Variants in BMPR2 observed in about 807,000 individuals in gnomAD.
BMPR2 encodes the protein bone morphogenetic protein receptor type 2, also known as bone morphogenetic protein receptor type-2.
A neutral mutation model predicts 100.8 loss-of-function variants in BMPR2; 29 were observed. The observed-to-expected ratio is 0.29, with a 90% confidence interval of 0.21 to 0.39. The LOEUF (loss-of-function observed/expected upper bound fraction) is 0.39. BMPR2 is among the 10% of genes least tolerant of loss of function. BMPR2 has a pLI of 1.00. For synonymous variants in BMPR2, 382 were observed against 442.3 expected (o/e 0.86, Z 1.71); for missense variants, 1,011 against 1,274.5 (o/e 0.79, Z 3.15).
chr2:202,489,059 C>T lies in BMPR2; in HGVS notation c.418+21370C>T, dbSNP rs183435232. On this transcript the variant is annotated intron_variant, in intron 3 of 12. Transcript: ENST00000374580. Reference sequence around the variant, plus strand: ...TCTTGTCGCCCAGGCTGGAATGCAACGGCACAATCTCAGCTCACTGCAACC... The same window carrying T: ...TCTTGTCGCCCAGGCTGGAATGCAATGGCACAATCTCAGCTCACTGCAACC... Among the ~76,000 whole-genome samples, 1,258 of 149,246 alleles carry T rather than the reference C, an allele frequency of 8.4e-3. 10 individuals are homozygous for T. Among genetic ancestry groups the T allele is most frequent in the Non-Finnish European group, 0.011 (743 of 67,578 alleles).
chr2:202,416,615 G>A (rs1294624569), intron 1 of BMPR2, among the ~76,000 whole-genome samples: 4 of 150,928 alleles, frequency 2.7e-5, no homozygotes, highest in Non-Finnish European at 3.0e-5. Flanking sequence ...TAGTAGAGAC[G>A]GGGTTTCACC....
intron 1 of BMPR2, among the ~76,000 whole-genome samples, chr2:202,431,392 G>C (rs1453060964): frequency 1.3e-5 from 2 of 150,584 alleles, no homozygotes; most frequent in Non-Finnish European, 2.9e-5. Flanking sequence ...TTTTCAGTGA[G>C]CCTGGTCAAT....
intron 1 of BMPR2, among the ~76,000 whole-genome samples, chr2:202,402,778 T>A (rs980934708): frequency 6.6e-6 from 1 of 151,492 alleles, no homozygotes; most frequent in African/African-American, 2.4e-5. Flanking sequence ...GCTATTCTTA[T>A]GCCTCAGCCT....
chr2:202,471,509 A>T (rs1692437143), intron 3 of BMPR2, among the ~76,000 whole-genome samples: 1 of 152,236 alleles, frequency 6.6e-6, no homozygotes, highest in Non-Finnish European at 1.5e-5. Context: ...TACCTAGAGA[A>T]GGACACATAA....
intron 12 of BMPR2, among the ~76,000 whole-genome samples, chr2:202,556,946 G>T (rs928927452): frequency 6.6e-6 from 1 of 151,918 alleles, no homozygotes; most frequent in Non-Finnish European, 1.5e-5. Context: ...AGCCAGGCGT[G>T]GTGGCGTGCA....
Position 202,520,161 on chromosome 2 carries a change from T to C in BMPR2, c.927T>C (p.Thr309=). Residue 309 remains threonine, a synonymous_variant, in exon 7 of 13, where the codon ACT becomes ACC. Coordinates refer to ENST00000374580, the MANE Select transcript of BMPR2 (RefSeq NM_001204.7). ...CTTGCCGTCTTGCTCATTCTGTTAC[T>C]AGAGGACTGGCTTATCTTCACACAG... The part of the protein sequence containing the change: ...VSSCRLAHSV[T]RGLAYLHTEL... 6.2e-7 allele frequency: 1 copy of C among 1,613,876 alleles called. No individual in the cohort carries two copies. The highest frequency in any genetic ancestry group is 8.5e-7 in the Non-Finnish European group (1 of 1,179,866).
rs756999318 is a variant in BMPR2 at position 202,459,954 on chromosome 2, AATAG to A, written c.77-4850_77-4847del. ...ACCTCGTTAAAAAGTGGGCAAAGGA[AATAG>A]ATAGTTTTCAAAAGAAGACATGCAT... On this transcript the variant is annotated intron_variant, in intron 1 of 12. Coordinates refer to ENST00000374580, the MANE Select transcript of BMPR2 (RefSeq NM_001204.7). Among the ~76,000 whole-genome samples the A allele has an allele frequency of 1.4e-4, 22 of 152,188 alleles. 1 individual carries two copies. Among genetic ancestry groups the A allele is most frequent in the African/African-American group, 3.1e-4 (13 of 41,452 alleles).
At position 202,559,787 on chromosome 2, in the gene BMPR2, C is replaced by G. The variant is rs1416791261; in HGVS notation, c.2958C>G (p.Pro986=). The G allele has an allele frequency of 2.5e-6, 4 of 1,614,004 alleles. No individual in the cohort carries two copies. Among genetic ancestry groups the G allele is most frequent in the Non-Finnish European group, 3.4e-6 (4 of 1,180,042 alleles). Residue 986 remains proline (P), a synonymous_variant, in exon 13 of 13, where the codon CCC becomes CCG. Coordinates refer to ENST00000374580, the MANE Select transcript of BMPR2 (RefSeq NM_001204.7). ...KTPYSLKRWR[P]STWVISTESL... Reference sequence around the variant, plus strand: ...CCTATTCTCTTAAGCGGTGGCGCCCCTCCACCTGGGTCATCTCCACTGAAT... The same window carrying G: ...CCTATTCTCTTAAGCGGTGGCGCCCGTCCACCTGGGTCATCTCCACTGAAT...
intron 1 of BMPR2, among the ~76,000 whole-genome samples, chr2:202,429,691 C>T (rs984766258): frequency 6.6e-6 from 1 of 152,184 alleles, no homozygotes; most frequent in African/African-American, 2.4e-5. Context: ...AATTGACTCA[C>T]AGTTCCACAT....
At position 202,556,225 on chromosome 2, in the gene BMPR2, G is replaced by C. The variant is rs1688568853; in HGVS notation, c.2560G>C (p.Glu854Gln). 1 of 1,612,852 alleles carries C rather than the reference G, an allele frequency of 6.2e-7. No homozygotes were observed. The highest frequency in any genetic ancestry group is 1.3e-5 in the African/African-American group (1 of 74,898). ...QEMLQNQFIG[E>Q]DTRLNINSSP... ...AATGTTGCAGAATCAGTTTATTGGT[G>C]AGGACACCCGGCTGAATATTAATTC... is the stretch of plus-strand genomic sequence containing the variant. Residue 854 changes from glutamate (E) to glutamine (Q), a missense_variant, in exon 12 of 13, where the codon GAG becomes CAG. By Grantham distance (29) the Glu-to-Gln change is conservative. Around this residue, in one of 6 missense-constraint regions of BMPR2, gnomAD observed 508 missense variants for 552.0 expected, o/e 0.92. Coordinates refer to ENST00000374580, the MANE Select transcript of BMPR2 (RefSeq NM_001204.7).
intron 1 of BMPR2, among the ~76,000 whole-genome samples, chr2:202,460,200 T>G (rs185628334): frequency 1.3e-3 from 194 of 152,302 alleles, no homozygotes; most frequent in African/African-American, 4.5e-3. Flanking sequence ...CACATGCACG[T>G]GTATGTTTGT....
In BMPR2 at chr2:202,559,995, A is replaced by G. The variant is rs1688652218; in HGVS notation, c.*49A>G. The G allele has an allele frequency of 1.2e-6, 2 of 1,609,028 alleles. No individual in the cohort carries two copies. The highest frequency in any genetic ancestry group is 2.2e-5 in the East Asian group (1 of 44,878). The stretch of plus-strand genomic sequence containing the variant: ...AAATTATTTTTTGCATCATTTAAAC[A>G]TGCAGAAGATGTTTAAAAATAAAAA... On this transcript the variant is annotated 3_prime_UTR_variant, in exon 13 of 13. Transcript: ENST00000374580.
chr2:202,536,984 A>G (rs1383412669), intron 9 of BMPR2, among the ~76,000 whole-genome samples: 1 of 152,050 alleles, frequency 6.6e-6, no homozygotes, highest in East Asian at 1.9e-4. Context: ...TGCAGCACTG[A>G]ACTCTTGGGC....
intron 6 of BMPR2, among the ~76,000 whole-genome samples, chr2:202,519,535 C>T (rs1024234398): frequency 2.6e-5 from 4 of 152,122 alleles, no homozygotes; most frequent in East Asian, 1.9e-4. Flanking sequence ...CTGTTTGTTT[C>T]GCTGTCTCCT....
chr2:202,510,978 T>C (rs12693970), intron 3 of BMPR2, among the ~76,000 whole-genome samples: 75,612 of 149,742 alleles, frequency 0.5, 19,798 homozygotes, highest in African/African-American at 0.62. Context: ...CGCACCTGGC[T>C]TTAGTTTTTT....
chr2:202,435,193 C>G lies in BMPR2; in HGVS notation c.77-29616C>G, dbSNP rs183707990. ...TGGCCAAGATGGTGAAACCCCGTCTCTACTGAAAAAAGACAAAAAAATTAG... is the reference window on the plus strand; with the variant it reads ...TGGCCAAGATGGTGAAACCCCGTCTGTACTGAAAAAAGACAAAAAAATTAG... On this transcript the variant is annotated intron_variant, in intron 1 of 12. Transcript: ENST00000374580. 1.4e-5 allele frequency among the ~76,000 whole-genome samples: 2 copies of G among 145,238 alleles called. 1 individual carries two copies. The highest frequency in any genetic ancestry group is 5.3e-5 in the African/African-American group (2 of 37,578).
intron 12 of BMPR2, among the ~76,000 whole-genome samples, chr2:202,557,638 G>C (rs1688604183): frequency 6.6e-6 from 1 of 152,146 alleles, no homozygotes; most frequent in African/African-American, 2.4e-5. Context: ...TTGTACTCCA[G>C]CCTGGGCAGC....
At chr2:202,523,597 A>G (rs1687856626) in intron 7 of BMPR2, among the ~76,000 whole-genome samples, 1 of 152,084 alleles carries the variant, frequency 6.6e-6, no homozygotes, top group African/African-American at 2.4e-5. Context: ...TGAGGTCGGG[A>G]GTTCAAGACC....
chr2:202,434,484 TAA>T (rs776247945), intron 1 of BMPR2, among the ~76,000 whole-genome samples: 1 of 150,450 alleles, frequency 6.6e-6, no homozygotes, highest in Non-Finnish European at 1.5e-5. Context: ...AGAAATTTGT[TAA>T]AGAGTCCTTC....
Sources: allele counts gnomAD v4.1 joint callset (sites outside exome capture counted in the v4.1 genomes callset), GRCh38; gene constraint gnomAD v4.1.1; regional missense constraint gnomAD v4.1.1; transcripts MANE v1.5; gene names NCBI Gene and HGNC (gene_info 2026-07-23, HGNC 2026-07-21).